The following MARCHF11 variants were observed in gnomAD, a reference collection of about 807,000 sequenced individuals.
MARCHF11 encodes membrane associated ring-CH-type finger 11, also known as E3 ubiquitin-protein ligase MARCHF11.
In MARCHF11, 29 loss-of-function variants were observed where a neutral mutation model predicts 37.3. The ratio of observed to expected loss-of-function variants is 0.78; its 90% CI spans 0.58 to 1.06. The LOEUF (loss-of-function observed/expected upper bound fraction) is 1.06. Ranked by LOEUF, MARCHF11 falls within the 50% of genes least tolerant of loss-of-function variation. The pLI, the probability that MARCHF11 is intolerant of heterozygous loss-of-function variation, is 0.00. For synonymous variants in MARCHF11, 233 were observed against 228.0 expected (o/e 1.02, Z -0.20); for missense variants, 482 against 533.4 (o/e 0.90, Z 0.95).
At chr5:16,174,950 G>A (rs1047400803) in intron 2 of MARCHF11, among the ~76,000 whole-genome samples, 3 of 152,182 alleles carry the variant, frequency 2.0e-5, no homozygotes, top group Admixed American at 6.5e-5. Context: ...GGTGAACCAC[G>A]TCACTTCCAA....
intron 2 of MARCHF11, among the ~76,000 whole-genome samples, chr5:16,152,502 C>T (rs995330481): frequency 5.9e-5 from 9 of 151,928 alleles, no homozygotes; most frequent in Admixed American, 3.9e-4. Context: ...CTGACTAAGA[C>T]AAGAAGGATA....
intron 2 of MARCHF11, chr5:16,129,419 C>A (rs1308703167): frequency 6.6e-6 from 1 of 152,078 alleles, no homozygotes; most frequent in Non-Finnish European, 1.5e-5. Flanking sequence ...TCTTTCATTT[C>A]TTTCTATCAA....
intron 2 of MARCHF11, among the ~76,000 whole-genome samples, chr5:16,119,373 A>C (rs1370777130): frequency 6.6e-6 from 1 of 151,878 alleles, no homozygotes; most frequent in Non-Finnish European, 1.5e-5. Context: ...ATTAAAAAAA[A>C]AAAAAGTCAA....
At position 16,082,931 on chromosome 5, in the gene MARCHF11, C is replaced by T. The variant is rs1736636820; in HGVS notation, c.886+7958G>A. Among the ~76,000 whole-genome samples, 3 of 151,992 alleles carry T rather than the reference C, an allele frequency of 2.0e-5. No individual in the cohort carries two copies. In the South Asian group the frequency reaches 6.2e-4, roughly 32 times the overall value. Reference sequence around the variant, plus strand: ...TCAGCAGGTAAGCAGCCTTCTGCACCCCCACTCCATGGGTGAATGCTGGCT... The same window carrying T: ...TCAGCAGGTAAGCAGCCTTCTGCACTCCCACTCCATGGGTGAATGCTGGCT... On this transcript the variant is annotated intron_variant, in intron 3 of 3. Transcript: ENST00000332432.
chr5:16,134,080 G>A (rs1737566625), intron 2 of MARCHF11, among the ~76,000 whole-genome samples: 1 of 152,172 alleles, frequency 6.6e-6, no homozygotes, highest in Non-Finnish European at 1.5e-5. Flanking sequence ...GCAATGGAGT[G>A]TCATTGTTCC....
intron 2 of MARCHF11, among the ~76,000 whole-genome samples, chr5:16,119,329 T>A (rs979790307): frequency 1.3e-5 from 2 of 150,590 alleles, no homozygotes; most frequent in Admixed American, 6.6e-5. Context: ...ACCACTGCAC[T>A]CCAGCCTGGG....
chr5:16,146,939 A>G (rs932575654), intron 2 of MARCHF11, among the ~76,000 whole-genome samples: 1 of 152,184 alleles, frequency 6.6e-6, no homozygotes, highest in Non-Finnish European at 1.5e-5. Flanking sequence ...TGTGCTAAAA[A>G]TCTTAAAGAG....
intron 2 of MARCHF11, among the ~76,000 whole-genome samples, chr5:16,096,608 C>T (rs1341451882): frequency 2.0e-5 from 3 of 152,172 alleles, no homozygotes; most frequent in Admixed American, 1.3e-4. Context: ...CAGGCAAATA[C>T]TGTGTTCTTA....
intron 2 of MARCHF11, chr5:16,140,946 T>A (rs960961314): frequency 2.0e-5 from 3 of 152,212 alleles, no homozygotes; most frequent in Non-Finnish European, 2.9e-5. Context: ...ATAGTGCTTA[T>A]TATGTTCCTG....
intron 2 of MARCHF11, among the ~76,000 whole-genome samples, chr5:16,141,815 C>G (rs1737712701): frequency 6.6e-6 from 1 of 152,234 alleles, no homozygotes; most frequent in Non-Finnish European, 1.5e-5. Context: ...GACCCTGAGT[C>G]TCCAAAACAT....
At chr5:16,125,407 C>A (rs1215548855) in intron 2 of MARCHF11, among the ~76,000 whole-genome samples, 1 of 152,164 alleles carries the variant, frequency 6.6e-6, no homozygotes, top group African/African-American at 2.4e-5. Flanking sequence ...TATCCTGGAA[C>A]TCTCTATGCG....
intron 2 of MARCHF11, among the ~76,000 whole-genome samples, chr5:16,143,550 A>T (rs1332370086): frequency 6.6e-6 from 1 of 152,216 alleles, no homozygotes; most frequent in Non-Finnish European, 1.5e-5. Flanking sequence ...GTAACAGCTA[A>T]TCTGATACAC....
At position 16,179,042 on chromosome 5, in the gene MARCHF11, C is replaced by T. The variant is rs1422042071; in HGVS notation, c.534G>A (p.Glu178=). The T allele has an allele frequency of 2.7e-6, 4 of 1,478,296 alleles. No individual in the cohort carries two copies. The highest frequency in any genetic ancestry group is 2.9e-5 in the East Asian group (1 of 34,744). 91.6% of individuals were successfully genotyped at this position (1,478,296 alleles called of 1,614,324 possible). The change falls in exon 1 of 4, where the codon GAG becomes GAA. Residue 178 remains glutamate (E), a synonymous_variant. Transcript: ENST00000332432. ...TCGGGGTCTCGCCGGGCCTTACCTG[C>T]TCCGCGCCCTGGAAGCAGATCTTGC... The part of the protein sequence containing the change: ...PICKICFQGA[E]QGELLNPCRC...
chr5:16,070,535 T>C (rs58539280), intron 3 of MARCHF11, among the ~76,000 whole-genome samples: 2,806 of 152,328 alleles, frequency 0.018, 73 homozygotes, highest in African/African-American at 0.064. Context: ...CAGAGGAAAC[T>C]ACTGACTTTG....
intron 3 of MARCHF11, among the ~76,000 whole-genome samples, chr5:16,077,293 G>T (rs1156826369): frequency 6.6e-6 from 1 of 152,104 alleles, no homozygotes. Context: ...CTAGTGGCAA[G>T]TGAAAATAAA....
rs13168013 is a variant in MARCHF11 at position 16,165,668 on chromosome 5, C to G, written c.693+12058G>C. ...TTACGGGTTTTAGAGAGGAAGACCA[C>G]AGGTGAAATAATCTCATCACATCAT... is the stretch of plus-strand genomic sequence containing the variant. On this transcript the variant is annotated intron_variant, in intron 2 of 3. Transcript: ENST00000332432. Among the ~76,000 whole-genome samples, 552 of 152,182 alleles carry G rather than the reference C, an allele frequency of 3.6e-3. 3 individuals carry two copies. The highest frequency in any genetic ancestry group is 8.3e-3 in the Admixed American group (127 of 15,278).
At chr5:16,149,047 C>G (rs1737849421) in intron 2 of MARCHF11, among the ~76,000 whole-genome samples, 1 of 152,094 alleles carries the variant, frequency 6.6e-6, no homozygotes, top group South Asian at 2.1e-4. Flanking sequence ...TAGAGAGTTC[C>G]AAGAACACCT....
chr5:16,113,009 T>C (rs1249149065), intron 2 of MARCHF11, among the ~76,000 whole-genome samples: 1 of 152,178 alleles, frequency 6.6e-6, no homozygotes, highest in Non-Finnish European at 1.5e-5. Flanking sequence ...GTCTCAGGTA[T>C]GTCTTCATCA....
At chr5:16,131,545 C>A (rs747806432) in intron 2 of MARCHF11, among the ~76,000 whole-genome samples, 1 of 152,014 alleles carries the variant, frequency 6.6e-6, no homozygotes, top group Non-Finnish European at 1.5e-5. Flanking sequence ...AAGAACTGGT[C>A]GGGGGTGGGA....
Sources: gnomAD v4.1 joint callset for allele counts (sites outside exome capture counted in the v4.1 genomes callset) on GRCh38, gnomAD v4.1.1 for gene constraint, MANE v1.5 for transcripts, NCBI Gene and HGNC (gene_info 2026-07-23, HGNC 2026-07-21) for gene names.